Variants in ZNF423 observed in about 807,000 individuals in gnomAD.
The protein encoded by ZNF423 is zinc finger protein 423.
ZNF423 carries 12 observed loss-of-function variants against 95.8 expected under a neutral mutation model. That is an observed-to-expected ratio of 0.13 (90% CI 0.08 to 0.20). The LOEUF is 0.20. Among genes scored for constraint, ZNF423 ranks in the 10% least tolerant of loss-of-function variants. The probability of loss-of-function intolerance (pLI) is 1.00; values close to 1 mark genes in which losing one functional copy is unlikely to be tolerated. For synonymous variants in ZNF423, 749 were observed against 711.9 expected, an observed-to-expected ratio of 1.05 and a Z score of -0.83; for missense variants, 1,316 against 1,737.1, an observed-to-expected ratio of 0.76 and a Z score of 4.31.
At chr16:49,646,863 C>T (rs1946141) in intron 3 of ZNF423, among the ~76,000 whole-genome samples, 78,850 of 152,050 alleles carry the variant, frequency 0.52, 21,308 homozygotes, top group South Asian at 0.67. Context: ...TGAGCCACCA[C>T]GCCCAGCTGT....
At chr16:49,737,687 C>T (rs1261404254) in intron 2 of ZNF423, among the ~76,000 whole-genome samples, 1 of 152,252 alleles carries the variant, frequency 6.6e-6, no homozygotes, top group African/African-American at 2.4e-5. Flanking sequence ...GGGGACCAGA[C>T]TGCCCACAGG....
At position 49,514,204 on chromosome 16, in the gene ZNF423, ACACACACATG is replaced by A. The variant is rs1361779216; in HGVS notation, c.3849+9410_3849+9419del. 7.3e-3 allele frequency among the ~76,000 whole-genome samples: 399 copies of A among 55,000 alleles called. 5 individuals are homozygous for A. Among genetic ancestry groups the A allele is most frequent in the African/African-American group, 0.025 (261 of 10,514 alleles). 36.1% of individuals were successfully genotyped at this position (55,000 alleles called of 152,430 possible). A position where few individuals can be genotyped will look rare whatever the true frequency, so the allele number is the denominator to read the frequency against. On this transcript the variant is annotated intron_variant, in intron 7 of 7. Transcript: ENST00000563137. ...CCACCCAACACACACACACACACAC[ACACACACATG>A]CACACGCACATGCGTACACACACAC...
At chr16:49,716,813 G>T (rs2032721964) in intron 3 of ZNF423, among the ~76,000 whole-genome samples, 1 of 152,136 alleles carries the variant, frequency 6.6e-6, no homozygotes, top group South Asian at 2.1e-4. Context: ...GAGGAAAGTG[G>T]AATCCGCATT....
intron 7 of ZNF423, among the ~76,000 whole-genome samples, chr16:49,511,710 C>G (rs1967905330): frequency 1.3e-5 from 2 of 152,186 alleles, no homozygotes; most frequent in South Asian, 4.1e-4. Context: ...ACACATGGCC[C>G]CTCAGGAGAC....
At chr16:49,651,020 T>TAAA (rs1973380233) in intron 3 of ZNF423, among the ~76,000 whole-genome samples, 1 of 152,012 alleles carries the variant, frequency 6.6e-6, no homozygotes, top group South Asian at 2.1e-4. Context: ...TTTTGGCTTT[T>TAAA]TTTTTTTCTT....
chr16:49,647,242 G>A (rs1973211520), intron 3 of ZNF423, among the ~76,000 whole-genome samples: 1 of 152,242 alleles, frequency 6.6e-6, no homozygotes, highest in South Asian at 2.1e-4. Flanking sequence ...GTCAGTGGTG[G>A]ATGACCAGGC....
intron 3 of ZNF423, among the ~76,000 whole-genome samples, chr16:49,642,801 CTTTTTTTTTTTT>C (rs55662710): frequency 2.4e-4 from 22 of 91,564 alleles, no homozygotes; most frequent in Admixed American, 1.5e-3. Context: ...GTTCTCTTTT[CTTTTTTTTTTTT>C]TTTTTTTTTT....
intron 3 of ZNF423, among the ~76,000 whole-genome samples, chr16:49,649,181 C>T (rs977833909): frequency 2.1e-4 from 32 of 152,118 alleles, no homozygotes; most frequent in African/African-American, 3.4e-4. Context: ...GATGACTAAG[C>T]GGGCAGAACC....
rs534895949 is a variant in ZNF423 at position 49,709,168 on chromosome 16, T to TTATATATATATATATATATATATA, written c.301+21602_301+21603insTATATATATATATATATATATATA. ...AAAAACTCAAACGTTCAGCAGCCGT[T>TTATATATATATATATATATATATA]TATATATATATATATGAAAACGGAG... On this transcript the variant is annotated intron_variant, in intron 3 of 7. Transcript: ENST00000563137. Among the ~76,000 whole-genome samples the TTATATATATATATATATATATATA allele has an allele frequency of 7.1e-3, 666 of 93,306 alleles. 22 individuals are homozygous for TTATATATATATATATATATATATA. The highest frequency in any genetic ancestry group is 0.053 in the South Asian group (146 of 2,778). The allele number at this position is 93,306 out of a possible 152,430, so 61.2% of individuals were successfully genotyped here. A position where few individuals can be genotyped will look rare whatever the true frequency, so the allele number is the denominator to read the frequency against.
At chr16:49,642,987 A>AT in intron 3 of ZNF423, among the ~76,000 whole-genome samples, 1 of 151,504 alleles carries the variant, frequency 6.6e-6, no homozygotes, top group African/African-American at 2.4e-5. Flanking sequence ...TGCCCGGCTA[A>AT]TTTTTGTATT....
At chr16:49,764,021 G>A (rs2033880575) in intron 2 of ZNF423, among the ~76,000 whole-genome samples, 1 of 152,172 alleles carries the variant, frequency 6.6e-6, no homozygotes, top group African/African-American at 2.4e-5. Flanking sequence ...ACGGGCAGGA[G>A]GAGACAGGAA....
chr16:49,736,716 GC>G (rs773123670), intron 2 of ZNF423, among the ~76,000 whole-genome samples: 1 of 152,194 alleles, frequency 6.6e-6, no homozygotes, highest in Non-Finnish European at 1.5e-5. Flanking sequence ...GATCGTTTCA[GC>G]CCAGGAGTTG....
intron 1 of ZNF423, among the ~76,000 whole-genome samples, chr16:49,838,021 G>C (rs559565367): frequency 2.0e-5 from 3 of 152,368 alleles, no homozygotes; most frequent in Admixed American, 2.0e-4. Context: ...CCCAGCACTA[G>C]CATTTGGCCC....
intron 2 of ZNF423, among the ~76,000 whole-genome samples, chr16:49,776,284 G>T (rs773016746): frequency 2.0e-5 from 3 of 152,188 alleles, no homozygotes; most frequent in African/African-American, 7.2e-5. Context: ...TCCCAGGAGC[G>T]GCTACTCTGG....
intron 3 of ZNF423, among the ~76,000 whole-genome samples, chr16:49,716,360 C>T (rs550293608): frequency 1.1e-4 from 16 of 152,244 alleles, no homozygotes; most frequent in African/African-American, 3.9e-4. Context: ...CTGAGACACT[C>T]CATATCCAAG....
intron 5 of ZNF423, among the ~76,000 whole-genome samples, chr16:49,538,903 C>T (rs1567453154): frequency 6.6e-6 from 1 of 152,200 alleles, no homozygotes; most frequent in African/African-American, 2.4e-5. Context: ...CTGTCAACTT[C>T]CAACCAAAAC....
At chr16:49,556,286 G>T (rs1023216809) in intron 5 of ZNF423, among the ~76,000 whole-genome samples, 1 of 152,096 alleles carries the variant, frequency 6.6e-6, no homozygotes, top group Non-Finnish European at 1.5e-5. Context: ...ATTCCCTGTG[G>T]CTCTCATCAC....
At chr16:49,846,132 T>C (rs2035242801) in intron 1 of ZNF423, among the ~76,000 whole-genome samples, 2 of 151,760 alleles carry the variant, frequency 1.3e-5, no homozygotes, top group Admixed American at 1.3e-4. Context: ...TGAAACTCCA[T>C]CTCTAATAAA....
At chr16:49,582,479 T>C (rs1970704024) in intron 5 of ZNF423, among the ~76,000 whole-genome samples, 2 of 152,228 alleles carry the variant, frequency 1.3e-5, no homozygotes. Context: ...ATGCATACTC[T>C]ATTTTTTAAT....
Sources: allele counts gnomAD v4.1 joint callset (sites outside exome capture counted in the v4.1 genomes callset), GRCh38; gene constraint gnomAD v4.1.1; transcripts MANE v1.5; gene names NCBI Gene and HGNC (gene_info 2026-07-23, HGNC 2026-07-21).